Variants in GPR155 observed in about 807,000 individuals in gnomAD.
The protein encoded by GPR155 is G protein-coupled receptor 155.
Under a neutral mutation model 93.1 loss-of-function variants are expected in GPR155, and 65 were observed. The observed-to-expected ratio is 0.70, with a 90% CI of 0.57 to 0.86. The LOEUF (loss-of-function observed/expected upper bound fraction) is 0.86. GPR155 is among the 40% of genes least tolerant of loss of function. The pLI is 0.00. For synonymous variants in GPR155, 319 were observed against 360.1 expected (o/e 0.89, Z 1.29); for missense variants, 838 against 1,034.8 (o/e 0.81, Z 2.61).
chr2:174,438,802 C>T (rs13412443), intron 15 of GPR155, among the ~76,000 whole-genome samples: 71,903 of 152,070 alleles, frequency 0.47, 18,770 homozygotes, highest in African/African-American at 0.69. Context: ...CCAGCACGCC[C>T]GGCCCTAAAA....
chr2:174,454,019 TA>T (rs1166012006), intron 10 of GPR155, among the ~76,000 whole-genome samples, 178 bp from the exon 11 acceptor site: 3 of 152,076 alleles, frequency 2.0e-5, no homozygotes, highest in East Asian at 3.8e-4. Flanking sequence ...ATATACAAAA[TA>T]AAAAAAACTT....
rs547322915 is a variant in GPR155 at position 174,461,519 on chromosome 2, GAAAA to G, written c.1470-31_1470-28del. ...TGTAATCACAAGTGATATTGGGAGA[GAAAA>G]AGAAAGGATGAATAGTAACTGTCTA... On this transcript the variant is annotated intron_variant, in intron 8 of 15. Transcript: ENST00000392552. 93 of 1,585,814 alleles carry G rather than the reference GAAAA, an allele frequency of 5.9e-5. No individual in the cohort carries two copies. In the African/African-American group the frequency reaches 1.1e-3, roughly 19 times the overall value.
At chr2:174,437,575 A>G (rs900422213) in intron 15 of GPR155, among the ~76,000 whole-genome samples, 41 of 114,664 alleles carry the variant, frequency 3.6e-4, no homozygotes, top group East Asian at 1.7e-3. Context: ...ATGGCCTAAC[A>G]CCTTTTTTTT....
In GPR155 at chr2:174,432,311, A is replaced by G. The variant is rs1686662537; in HGVS notation, c.*3805T>C. On this transcript the variant is annotated 3_prime_UTR_variant, in exon 16 of 16. Transcript: ENST00000392552. Reference sequence around the variant, plus strand: ...AAAGTTAACAGTTACAAATATTTTCATTTAATAAAATTAGCATATTTTTAA... The same window carrying G: ...AAAGTTAACAGTTACAAATATTTTCGTTTAATAAAATTAGCATATTTTTAA... 6.6e-6 allele frequency: 1 copy of G among 152,656 alleles called. No individual in the cohort carries two copies. The highest frequency in any genetic ancestry group is 2.1e-4 in the South Asian group (1 of 4,836). The allele number at this position is 152,656 out of a possible 1,614,324, so 9.5% of individuals were successfully genotyped here.
intron 13 of GPR155, among the ~76,000 whole-genome samples, chr2:174,442,945 A>T (rs1687010399): frequency 6.6e-6 from 1 of 152,160 alleles, no homozygotes; most frequent in Non-Finnish European, 1.5e-5. Flanking sequence ...TTCGGCCTTA[A>T]GTTGTGGGGC....
intron 7 of GPR155, among the ~76,000 whole-genome samples, chr2:174,465,555 G>A (rs1199032915): frequency 1.3e-5 from 2 of 152,160 alleles, no homozygotes; most frequent in Non-Finnish European, 2.9e-5. Flanking sequence ...CACAGGCCCT[G>A]GGGAAAAGGA....
chr2:174,436,367 T>C lies in GPR155; in HGVS notation c.2362A>G (p.Ser788Gly), dbSNP rs758380410. ...GCAAGGCCGACTTCAATTAGCCAGCTCACCAGGTCACAGCCACAGAAAGTT... is the reference window on the plus strand; with the variant it reads ...GCAAGGCCGACTTCAATTAGCCAGCCCACCAGGTCACAGCCACAGAAAGTT... The part of the protein sequence containing the change: ...AGTFCGCDLV[S>G]WLIEVGLASD... Residue 788 changes from serine (S) to glycine (G), a missense_variant, in exon 16 of 16, where the codon AGC (serine) becomes GGC (glycine). Around this residue, in one of 3 missense-constraint regions of GPR155, gnomAD observed 146 missense variants for 177.5 expected, o/e 0.82. Coordinates refer to ENST00000392552, the MANE Select transcript of GPR155 (RefSeq NM_152529.7). The C allele has an allele frequency of 1.1e-5, 17 of 1,614,046 alleles. No homozygotes were observed. The highest frequency in any genetic ancestry group is 1.4e-5 in the Non-Finnish European group (16 of 1,180,040).
chr2:174,470,670 T>C, intron 3 of GPR155, 115 bp from the exon 4 acceptor site: 1 of 766,176 alleles, frequency 1.3e-6, no homozygotes, highest in Non-Finnish European at 2.1e-6. Context: ...TATGTCTATT[T>C]GCATGCACAT....
In GPR155 at chr2:174,472,989, A is replaced by G. The variant is rs762872087; in HGVS notation, c.836T>C (p.Leu279Pro). The change falls in exon 3 of 16, where the codon CTA becomes CCA. Residue 279 changes from leucine (L) to proline (P), a missense_variant. By Grantham distance (98) the Leu-to-Pro change is moderately conservative. Transcript: ENST00000392552. The stretch of plus-strand genomic sequence containing the variant: ...CAGTTTAGCTGTGATGAGAAGAATT[A>G]GTACTACAAATGCCGACTTCTTCAG... Reference protein sequence around the residue: ...KRLKKSAFVVLILLITAKLLV... With the variant: ...KRLKKSAFVVPILLITAKLLV... 6.3e-7 allele frequency: 1 copy of G among 1,589,422 alleles called. No individual in the cohort carries two copies.
chr2:174,472,784 C>G (rs1458832383), intron 3 of GPR155, among the ~76,000 whole-genome samples, 181 bp downstream of exon 3: 5 of 152,156 alleles, frequency 3.3e-5, no homozygotes, highest in African/African-American at 1.2e-4. Flanking sequence ...GAATAAGCTA[C>G]TGGGAATAAG....
At chr2:174,464,058 C>T (rs1687772789) in intron 7 of GPR155, among the ~76,000 whole-genome samples, 1 of 152,156 alleles carries the variant, frequency 6.6e-6, no homozygotes, top group Non-Finnish European at 1.5e-5. Context: ...GTGCATCACT[C>T]CTGCCTTGTG....
At chr2:174,450,601 T>C (rs557888166) in intron 11 of GPR155, among the ~76,000 whole-genome samples, 27 of 152,288 alleles carry the variant, frequency 1.8e-4, no homozygotes, top group African/African-American at 6.5e-4. Flanking sequence ...TGGCCAAAAA[T>C]AGAGGTGAGG....
Position 174,457,472 on chromosome 2 carries a change from T to C in GPR155, c.1771+2406A>G, listed in dbSNP as rs544873522. Among the ~76,000 whole-genome samples the C allele has an allele frequency of 5.3e-5, 8 of 152,360 alleles. No individual in the cohort carries two copies. In the South Asian group the frequency reaches 1.7e-3, roughly 32 times the overall value. On this transcript the variant is annotated intron_variant, in intron 10 of 15. Transcript: ENST00000392552. The stretch of plus-strand genomic sequence containing the variant: ...TACTGAAGTCCTGTCTTAGACTTTT[T>C]TTGAGACAGAGTCTTGCTCTGTCAC...
At chr2:174,460,590 G>C (rs1356029374) in intron 9 of GPR155, among the ~76,000 whole-genome samples, 1 of 152,194 alleles carries the variant, frequency 6.6e-6, no homozygotes, top group Non-Finnish European at 1.5e-5. Context: ...GGGTTTGCTT[G>C]TAATTACACA....
At chr2:174,454,100 G>A (rs555150616) in intron 10 of GPR155, among the ~76,000 whole-genome samples, 1 of 152,236 alleles carries the variant, frequency 6.6e-6, no homozygotes, top group South Asian at 2.1e-4. Flanking sequence ...GGCTGAGGTG[G>A]CAGGATCACT....
intron 2 of GPR155, among the ~76,000 whole-genome samples, chr2:174,473,827 A>T: frequency 6.6e-6 from 1 of 152,230 alleles, no homozygotes; most frequent in East Asian, 1.9e-4. Flanking sequence ...TTATTTCAGG[A>T]ACTAAAAAGG....
intron 10 of GPR155, among the ~76,000 whole-genome samples, chr2:174,454,648 GGGAGGGAAGAAGGGAA>G (rs368212404): frequency 0.042 from 6,167 of 147,482 alleles, 473 homozygotes; most frequent in African/African-American, 0.15. Flanking sequence ...GAAGGAAGGA[GGGAGGGAAGAAGGGAA>G]GGAGGGAAGG....
chr2:174,472,566 GA>G (rs898281341), intron 3 of GPR155, among the ~76,000 whole-genome samples: 3 of 152,076 alleles, frequency 2.0e-5, no homozygotes, highest in African/African-American at 4.8e-5. Flanking sequence ...CCAAATTCAT[GA>G]AAAAAAGTTT....
chr2:174,448,036 C>T (rs4283386), intron 11 of GPR155, among the ~76,000 whole-genome samples: 90,157 of 151,812 alleles, frequency 0.59, 30,107 homozygotes, highest in Middle Eastern at 0.79. Flanking sequence ...TTAACCCCTG[C>T]CTTTCACCAT....
Sources: allele counts gnomAD v4.1 joint callset (sites outside exome capture counted in the v4.1 genomes callset), GRCh38; gene constraint gnomAD v4.1.1; regional missense constraint gnomAD v4.1.1; transcripts MANE v1.5; gene names NCBI Gene and HGNC (gene_info 2026-07-23, HGNC 2026-07-21).